The following ELL2 variants were observed in gnomAD, a reference collection of about 807,000 sequenced individuals.
The protein encoded by ELL2 is elongation factor for RNA polymerase II 2.
In ELL2, 21 loss-of-function variants were observed where a neutral mutation model predicts 72.8. The observed-to-expected ratio is 0.29, with a 90% CI of 0.20 to 0.42. The LOEUF (loss-of-function observed/expected upper bound fraction) is 0.42. Ranked by LOEUF, ELL2 falls within the 10% of genes least tolerant of loss-of-function variation. The probability of loss-of-function intolerance (pLI) is 1.00; values close to 1 mark genes in which losing one functional copy is unlikely to be tolerated. For synonymous variants in ELL2, 266 were observed against 283.2 expected (o/e 0.94, Z 0.61); for missense variants, 568 against 772.8 (o/e 0.73, Z 3.14).
intron 1 of ELL2, among the ~76,000 whole-genome samples, chr5:95,956,467 CCTCA>C (rs1580543336): frequency 6.6e-6 from 1 of 152,336 alleles, no homozygotes; most frequent in Middle Eastern, 3.4e-3. Context: ...CTAAAGCAAA[CCTCA>C]CTGTTTTACT....
chr5:95,923,975 TG>T (rs1227140948), intron 2 of ELL2, among the ~76,000 whole-genome samples: 1 of 152,108 alleles, frequency 6.6e-6, no homozygotes, highest in Non-Finnish European at 1.5e-5. Context: ...ATTTGGCCAA[TG>T]GACAGGAAAG....
chr5:95,915,763 A>C (rs1366121070), intron 3 of ELL2, among the ~76,000 whole-genome samples: 1 of 152,178 alleles, frequency 6.6e-6, no homozygotes, highest in African/African-American at 2.4e-5. Flanking sequence ...GAGGACAACT[A>C]ATCTGTGCAG....
chr5:95,908,786 T>C (rs988446126), intron 4 of ELL2, among the ~76,000 whole-genome samples: 7 of 152,202 alleles, frequency 4.6e-5, no homozygotes, highest in African/African-American at 1.7e-4. Context: ...GAAAATGCTA[T>C]AAATTCCACA....
At chr5:95,923,262 A>G (rs1365966708) in intron 2 of ELL2, among the ~76,000 whole-genome samples, 1 of 151,476 alleles carries the variant, frequency 6.6e-6, no homozygotes, top group East Asian at 1.9e-4. Context: ...AGAAATACAG[A>G]GTAACTTATC....
intron 1 of ELL2, among the ~76,000 whole-genome samples, chr5:95,954,594 TTC>T (rs1318613230): frequency 2.4e-4 from 29 of 119,242 alleles, no homozygotes; most frequent in East Asian, 1.5e-3. Context: ...TTTTTTTTTT[TTC>T]TTTTTTTTTT....
Position 95,889,134 on chromosome 5 carries a change from C to T in ELL2, c.1762-4G>A. The T allele has an allele frequency of 6.2e-7, 1 of 1,601,774 alleles. No homozygotes were observed. Among genetic ancestry groups the T allele is most frequent in the Non-Finnish European group, 8.5e-7 (1 of 1,171,504 alleles). Reference sequence around the variant, plus strand: ...GTAAGACTTCTTCATGAACATTCTACAAAATTAAATATTAGAAATCAGAAG... The same window carrying T: ...GTAAGACTTCTTCATGAACATTCTATAAAATTAAATATTAGAAATCAGAAG... On this transcript the variant is annotated splice_polypyrimidine_tract_variant and splice_region_variant and intron_variant, in intron 10 of 11. Coordinates refer to ENST00000237853, the MANE Select transcript of ELL2 (RefSeq NM_012081.6).
intron 5 of ELL2, among the ~76,000 whole-genome samples, chr5:95,901,459 T>C (rs1169026624): frequency 6.6e-6 from 1 of 152,234 alleles, no homozygotes; most frequent in Non-Finnish European, 1.5e-5. Context: ...CCCCAGTCGA[T>C]GCCTAAAAAC....
rs1748455428 is a variant in ELL2, at chr5:95,886,114, C to CAAAA, written c.*2753_*2756dup. The CAAAA allele has an allele frequency of 6.6e-6, 1 of 151,460 alleles. No homozygotes were observed. Among genetic ancestry groups the CAAAA allele is most frequent in the African/African-American group, 2.4e-5 (1 of 41,280 alleles). 9.4% of individuals were successfully genotyped at this position (151,460 alleles called of 1,614,324 possible). ...CTTGCTATTTTTCACACCATCCTTCCAAAAAAGAAAAGAAAAAAAACTAGA... is the reference window on the plus strand; with the variant it reads ...CTTGCTATTTTTCACACCATCCTTCCAAAAAAAAAAGAAAAGAAAAAAAACTAGA... On this transcript the variant is annotated 3_prime_UTR_variant, in exon 12 of 12. Coordinates refer to ENST00000237853, the MANE Select transcript of ELL2 (RefSeq NM_012081.6).
intron 2 of ELL2, among the ~76,000 whole-genome samples, chr5:95,927,150 T>A (rs79407482): frequency 7.2e-5 from 11 of 151,902 alleles, no homozygotes; most frequent in African/African-American, 2.7e-4. Flanking sequence ...ATTCCTGCCA[T>A]TGTGGCACAT....
Position 95,894,976 on chromosome 5 carries a change from A to G in ELL2, c.1589+652T>C, listed in dbSNP as rs143768930. Among the ~76,000 whole-genome samples the G allele has an allele frequency of 3.3e-3, 498 of 152,314 alleles. 4 individuals are homozygous for G. The highest frequency in any genetic ancestry group is 0.011 in the African/African-American group (444 of 41,570). On this transcript the variant is annotated intron_variant, in intron 9 of 11. Transcript: ENST00000237853. ...CCTCTCCATTTTTCCAGGCTCTTGC[A>G]ACTTAATTATTTTCTTCTTACAGAG...
At chr5:95,927,069 A>G (rs1173861140) in intron 2 of ELL2, among the ~76,000 whole-genome samples, 1 of 152,106 alleles carries the variant, frequency 6.6e-6, no homozygotes, top group Non-Finnish European at 1.5e-5. Context: ...TTCCACACAT[A>G]TTAACTGAGT....
intron 1 of ELL2, among the ~76,000 whole-genome samples, chr5:95,950,914 A>G (rs1389574430): frequency 1.7e-4 from 11 of 63,520 alleles, no homozygotes; most frequent in Admixed American, 5.7e-4. Context: ...GTATATATAT[A>G]TATATATATA....
At chr5:95,892,307 C>T (rs1748697130) in intron 9 of ELL2, among the ~76,000 whole-genome samples, 1 of 152,082 alleles carries the variant, frequency 6.6e-6, no homozygotes, top group Non-Finnish European at 1.5e-5. Flanking sequence ...CCACCATGCC[C>T]GGCTAATTTT....
At chr5:95,945,181 CAAATATG>C (rs1271252370) in intron 1 of ELL2, among the ~76,000 whole-genome samples, 4 of 152,294 alleles carry the variant, frequency 2.6e-5, no homozygotes, top group African/African-American at 9.6e-5. Flanking sequence ...CAATGACTGG[CAAATATG>C]AAACTAATTC....
At chr5:95,895,840 A>C in intron 8 of ELL2, 149 bp from the exon 9 acceptor site, 1 of 709,724 alleles carries the variant, frequency 1.4e-6, no homozygotes, top group Non-Finnish European at 2.4e-6. Flanking sequence ...CAAGGAATAC[A>C]ATTGAACATG....
chr5:95,890,282 T>C (rs1193605726), intron 10 of ELL2, among the ~76,000 whole-genome samples: 14 of 152,112 alleles, frequency 9.2e-5, no homozygotes, highest in Admixed American at 9.2e-4. Context: ...GTAGAAGACA[T>C]AATGAATCTT....
intron 2 of ELL2, among the ~76,000 whole-genome samples, chr5:95,936,732 AAGGG>A (rs1233485583): frequency 2.3e-5 from 2 of 85,808 alleles, no homozygotes; most frequent in African/African-American, 1.1e-4. Flanking sequence ...GTGACAGAGT[AAGGG>A]ATGGTTAAAT....
At chr5:95,933,943 C>G (rs1288625653) in intron 2 of ELL2, among the ~76,000 whole-genome samples, 2 of 152,062 alleles carry the variant, frequency 1.3e-5, no homozygotes, top group African/African-American at 4.8e-5. Flanking sequence ...CATCAAGCAT[C>G]CCTAACAAAG....
intron 1 of ELL2, among the ~76,000 whole-genome samples, chr5:95,945,515 G>T (rs990739640): frequency 2.0e-5 from 3 of 152,072 alleles, no homozygotes; most frequent in African/African-American, 7.2e-5. Flanking sequence ...CTGTTAATGG[G>T]GTATTCAAGA....
Sources: gnomAD v4.1 joint callset for allele counts (sites outside exome capture counted in the v4.1 genomes callset) on GRCh38, gnomAD v4.1.1 for gene constraint, MANE v1.5 for transcripts, NCBI Gene and HGNC (gene_info 2026-07-23, HGNC 2026-07-21) for gene names.